HS6ST3: variants seen among roughly 807,000 people sequenced by gnomAD.
HS6ST3 encodes heparan sulfate 6-O-sulfotransferase 3.
HS6ST3 carries 12 observed loss-of-function variants against 36.7 expected under a neutral mutation model. That is an observed-to-expected ratio of 0.33 (90% CI 0.21 to 0.53). HS6ST3 has a LOEUF of 0.53. Ranked by LOEUF, HS6ST3 falls within the 20% of genes least tolerant of loss-of-function variation. The pLI, the probability that HS6ST3 is intolerant of heterozygous loss-of-function variation, is 0.95. For missense variants in HS6ST3, 584 were observed against 640.9 expected, an observed-to-expected ratio of 0.91 and a Z score of 0.96; for synonymous variants, 240 against 257.5, an observed-to-expected ratio of 0.93 and a Z score of 0.65.
intron 1 of HS6ST3, among the ~76,000 whole-genome samples, chr13:96,489,341 G>C (rs2055932850): frequency 6.6e-6 from 1 of 150,544 alleles, no homozygotes. Context: ...AAACTCACAA[G>C]AATTTGTGGC....
chr13:96,560,583 C>T (rs1278866455), intron 1 of HS6ST3, among the ~76,000 whole-genome samples: 10 of 152,144 alleles, frequency 6.6e-5, no homozygotes, highest in Non-Finnish European at 1.3e-4. Flanking sequence ...AGAAGTCAAA[C>T]TATCTCTCTT....
At chr13:96,777,720 A>T (rs1877423201) in intron 1 of HS6ST3, among the ~76,000 whole-genome samples, 1 of 152,228 alleles carries the variant, frequency 6.6e-6, no homozygotes, top group Non-Finnish European at 1.5e-5. Context: ...GATAGGAAGA[A>T]TCAATATCAT....
intron 1 of HS6ST3, among the ~76,000 whole-genome samples, chr13:96,599,302 T>G (rs1379423441): frequency 6.6e-6 from 1 of 152,094 alleles, no homozygotes; most frequent in Non-Finnish European, 1.5e-5. Context: ...TTAAAATTAC[T>G]TATTCATTCT....
At chr13:96,318,952 TAA>T (rs200130324) in intron 1 of HS6ST3, among the ~76,000 whole-genome samples, 1 of 152,004 alleles carries the variant, frequency 6.6e-6, no homozygotes, top group African/African-American at 2.4e-5. Context: ...GTCCTTAGCT[TAA>T]AAAAAATAGC....
chr13:96,735,789 A>C (rs1876267991), intron 1 of HS6ST3, among the ~76,000 whole-genome samples: 1 of 152,224 alleles, frequency 6.6e-6, no homozygotes, highest in Non-Finnish European at 1.5e-5. Flanking sequence ...CACCTAAGGC[A>C]AAGATTCTCA....
intron 1 of HS6ST3, among the ~76,000 whole-genome samples, chr13:96,647,034 A>T (rs910609520): frequency 6.6e-6 from 1 of 151,966 alleles, no homozygotes; most frequent in Non-Finnish European, 1.5e-5. Flanking sequence ...CCCACTGAAC[A>T]TGTGTGTTAG....
At chr13:96,467,317 C>T (rs576003229) in intron 1 of HS6ST3, among the ~76,000 whole-genome samples, 2 of 152,282 alleles carry the variant, frequency 1.3e-5, no homozygotes, top group African/African-American at 4.8e-5. Flanking sequence ...CATCTTAGCA[C>T]GTGGCACAGT....
intron 1 of HS6ST3, among the ~76,000 whole-genome samples, chr13:96,395,572 T>C (rs1309723749): frequency 6.6e-6 from 1 of 152,168 alleles, no homozygotes; most frequent in African/African-American, 2.4e-5. Flanking sequence ...ACTTAGATAA[T>C]GGCGGACTTA....
At chr13:96,139,544 A>G (rs1488790236) in intron 1 of HS6ST3, among the ~76,000 whole-genome samples, 13 of 114,948 alleles carry the variant, frequency 1.1e-4, no homozygotes, top group Non-Finnish European at 3.7e-5. Flanking sequence ...AGATTCAGAA[A>G]AAAAAAAAAA....
chr13:96,188,050 A>G (rs889024512), intron 1 of HS6ST3, among the ~76,000 whole-genome samples: 5 of 152,098 alleles, frequency 3.3e-5, no homozygotes, highest in Non-Finnish European at 7.4e-5. Context: ...AAACAGACAT[A>G]TGTTTATTTT....
At position 96,426,292 on chromosome 13, in the gene HS6ST3, G is replaced by A. The variant is rs537556099; in HGVS notation, c.707+334723G>A. On this transcript the variant is annotated intron_variant, in intron 1 of 1. Transcript: ENST00000376705. ...TATTTGTGTTTTTTGAATCCAGCTC[G>A]TAAAGCCTATAATTAGGAGGAAGCA... is the stretch of plus-strand genomic sequence containing the variant. Among the ~76,000 whole-genome samples the A allele has an allele frequency of 3.9e-5, 6 of 152,162 alleles. No homozygotes were observed. The East Asian group carries it at 7.7e-4, about 20-fold the overall frequency.
At chr13:96,701,809 A>G (rs1394481453) in intron 1 of HS6ST3, among the ~76,000 whole-genome samples, 2 of 152,092 alleles carry the variant, frequency 1.3e-5, no homozygotes, top group African/African-American at 4.8e-5. Flanking sequence ...AAAAAATACA[A>G]AAATTAGCCA....
intron 1 of HS6ST3, among the ~76,000 whole-genome samples, chr13:96,362,856 T>A (rs867080657): frequency 3.9e-5 from 6 of 152,204 alleles, no homozygotes; most frequent in South Asian, 2.1e-4. Context: ...TTTGATGAAT[T>A]TCAAAGGCAT....
intron 1 of HS6ST3, among the ~76,000 whole-genome samples, chr13:96,699,121 A>G (rs1875212337): frequency 6.6e-6 from 1 of 152,034 alleles, no homozygotes; most frequent in African/African-American, 2.4e-5. Context: ...AAAGACTTAT[A>G]TGTTAGACCT....
chr13:96,764,161 C>T (rs1198218650), intron 1 of HS6ST3, among the ~76,000 whole-genome samples: 2 of 152,164 alleles, frequency 1.3e-5, no homozygotes, highest in Non-Finnish European at 2.9e-5. Flanking sequence ...CTATTGAGTA[C>T]ATGAACAATG....
intron 1 of HS6ST3, among the ~76,000 whole-genome samples, chr13:96,603,093 C>T (rs567250047): frequency 1.3e-5 from 2 of 152,086 alleles, no homozygotes; most frequent in Non-Finnish European, 2.9e-5. Flanking sequence ...ATTGATGGAG[C>T]ATCTTACTCT....
chr13:96,208,795 AG>A (rs1156382647), intron 1 of HS6ST3, among the ~76,000 whole-genome samples: 1 of 152,200 alleles, frequency 6.6e-6, no homozygotes, highest in African/African-American at 2.4e-5. Context: ...AAAGGGTACG[AG>A]GTGAAAGAGA....
intron 1 of HS6ST3, among the ~76,000 whole-genome samples, chr13:96,220,129 G>A (rs1015695207): frequency 2.0e-5 from 3 of 152,190 alleles, no homozygotes; most frequent in African/African-American, 7.2e-5. Context: ...CCTTTTGTCT[G>A]GGAGCACATT....
At chr13:96,549,999 T>C (rs923980714) in intron 1 of HS6ST3, among the ~76,000 whole-genome samples, 3 of 152,232 alleles carry the variant, frequency 2.0e-5, no homozygotes, top group South Asian at 2.1e-4. Flanking sequence ...CATTTGCCTT[T>C]CTGCAACAAC....
Sources: gnomAD v4.1 joint callset for allele counts (sites outside exome capture counted in the v4.1 genomes callset) on GRCh38, gnomAD v4.1.1 for gene constraint, MANE v1.5 for transcripts, NCBI Gene and HGNC (gene_info 2026-07-23, HGNC 2026-07-21) for gene names.